Variants in NOX4 observed in about 807,000 individuals in gnomAD.
NOX4 encodes the protein kidney oxidase-1.
NOX4 carries 69 observed loss-of-function variants against 87.6 expected under a neutral mutation model. That is an observed-to-expected ratio of 0.79 (90% CI 0.65 to 0.96). The LOEUF (loss-of-function observed/expected upper bound fraction) is 0.96, where lower values mean the gene tolerates loss of function less well. Among genes scored for constraint, NOX4 ranks in the 40% least tolerant of loss-of-function variants. The pLI is 0.00. For missense variants in NOX4, 680 were observed against 681.5 expected, an observed-to-expected ratio of 1.00 and a Z score of 0.02; for synonymous variants, 275 against 238.2, an observed-to-expected ratio of 1.15 and a Z score of -1.42.
the NOX4 span, among the ~76,000 whole-genome samples, chr11:89,540,786 T>TAAAAAAAAAAAAA: frequency 1.1e-4 from 5 of 43,520 alleles, no homozygotes; most frequent in Admixed American, 4.3e-4. Flanking sequence ...AGACTCCGTC[T>TAAAAAAAAAAAAA]AAAAAAAAAA....
At chr11:89,352,935 T>C (rs1937673548) in intron 13 of NOX4, among the ~76,000 whole-genome samples, 1 of 152,166 alleles carries the variant, frequency 6.6e-6, no homozygotes, top group Non-Finnish European at 1.5e-5. Flanking sequence ...TTCTCCTGCC[T>C]CAGCCTCCCA....
chr11:89,424,809 C>T (rs16913239), intron 7 of NOX4, among the ~76,000 whole-genome samples: 5,445 of 152,054 alleles, frequency 0.036, 321 homozygotes, highest in African/African-American at 0.12. Context: ...AAATCAAACA[C>T]TGGGGACTTA....
At chr11:89,341,890 T>C (rs547114192) in intron 14 of NOX4, among the ~76,000 whole-genome samples, 184 bp downstream of exon 14, 10 of 152,312 alleles carry the variant, frequency 6.6e-5, no homozygotes, top group African/African-American at 2.2e-4. Flanking sequence ...CAAGAGAATA[T>C]GCTAGCAGCC....
chr11:89,526,362 C>T, the NOX4 span, among the ~76,000 whole-genome samples: 7 of 152,202 alleles, frequency 4.6e-5, no homozygotes, highest in African/African-American at 1.7e-4. Context: ...AACATCACCA[C>T]AAGCATTGCT....
rs1939758117 is a variant in NOX4, at chr11:89,375,368, C to T, written c.1075-1876G>A. ...TCACCCAGGCTGGAGTGCAGTGGCA[C>T]GATCTCGGCTCAATGCAACCTCTGC... On this transcript the variant is annotated intron_variant, in intron 11 of 17. Coordinates refer to ENST00000263317, the MANE Select transcript of NOX4 (RefSeq NM_016931.5). 2.6e-5 allele frequency among the ~76,000 whole-genome samples: 4 copies of T among 152,154 alleles called. No homozygotes were observed. In the South Asian group the frequency reaches 8.3e-4, roughly 32 times the overall value.
chr11:89,510,216 A>T, the NOX4 span, among the ~76,000 whole-genome samples: 1 of 152,112 alleles, frequency 6.6e-6, no homozygotes, highest in Admixed American at 6.6e-5. Context: ...CAGATCTTAC[A>T]GAGTGACAGC....
the NOX4 span, among the ~76,000 whole-genome samples, chr11:89,506,167 C>A: frequency 6.7e-6 from 1 of 149,964 alleles, no homozygotes; most frequent in Middle Eastern, 3.4e-3. Context: ...AAACTGTAGT[C>A]TTCCTAATAA....
the NOX4 span, among the ~76,000 whole-genome samples, chr11:89,571,444 A>C: frequency 6.6e-6 from 1 of 151,848 alleles, no homozygotes; most frequent in Admixed American, 6.6e-5. Context: ...CTACAGGCGC[A>C]CACCACCATG....
Position 89,342,149 on chromosome 11 carries a change from A to T in NOX4, c.1262T>A (p.Leu421Gln). The T allele has an allele frequency of 6.2e-7, 1 of 1,613,006 alleles. No individual in the cohort carries two copies. Among genetic ancestry groups the T allele is most frequent in the Non-Finnish European group, 8.5e-7 (1 of 1,179,052 alleles). ...CACGCAGAGGCTGACCTCATAGTTC[A>T]GTGATTCCTCAAATGGACTTCCAAA... ...GPFGSPFEESLNYEVSLCVAG... is the reference protein window; with the variant it reads ...GPFGSPFEESQNYEVSLCVAG... Residue 421 changes from leucine to glutamine, a missense_variant, in exon 14 of 18, where the codon CTG (leucine) becomes CAG (glutamine). Leu to Gln is a moderately radical substitution (Grantham distance 113). Transcript: ENST00000263317.
At chr11:89,359,528 A>G (rs1337356046) in intron 12 of NOX4, among the ~76,000 whole-genome samples, 1 of 151,988 alleles carries the variant, frequency 6.6e-6, no homozygotes, top group Non-Finnish European at 1.5e-5. Flanking sequence ...TACAAAAAAA[A>G]GAAAGAAAAA....
intron 7 of NOX4, among the ~76,000 whole-genome samples, chr11:89,428,010 C>G (rs1048782362): frequency 6.4e-4 from 98 of 152,352 alleles, no homozygotes; most frequent in African/African-American, 2.1e-3. Flanking sequence ...ATCAGACTAA[C>G]AGCTGATCTC....
the NOX4 span, among the ~76,000 whole-genome samples, chr11:89,587,570 G>A: frequency 1.3e-5 from 2 of 152,048 alleles, no homozygotes; most frequent in Non-Finnish European, 2.9e-5. Flanking sequence ...ATAAAAAATT[G>A]TAAGAGGGAG....
chr11:89,571,585 G>T, the NOX4 span, among the ~76,000 whole-genome samples: 2 of 151,910 alleles, frequency 1.3e-5, no homozygotes, highest in East Asian at 1.9e-4. Flanking sequence ...GTGAGCTACC[G>T]CACCCAGGCT....
At chr11:89,401,206 T>C (rs1941831612) in intron 9 of NOX4, among the ~76,000 whole-genome samples, 1 of 152,118 alleles carries the variant, frequency 6.6e-6, no homozygotes. Context: ...ATGCCTCTTC[T>C]GCATATAATA....
the NOX4 span, among the ~76,000 whole-genome samples, chr11:89,509,624 G>A: frequency 2.6e-5 from 4 of 151,974 alleles, no homozygotes; most frequent in Admixed American, 6.6e-5. Flanking sequence ...ATTTGTTAAT[G>A]AATTTAAACT....
chr11:89,420,417 T>G (rs886835292), intron 8 of NOX4, among the ~76,000 whole-genome samples: 1 of 152,098 alleles, frequency 6.6e-6, no homozygotes, highest in African/African-American at 2.4e-5. Context: ...AAGAGCAGAA[T>G]GTAAAGCAGT....
intron 8 of NOX4, among the ~76,000 whole-genome samples, chr11:89,418,422 G>GAATAATAATAATAAT (rs113480992): frequency 9.3e-5 from 13 of 139,752 alleles, no homozygotes; most frequent in South Asian, 2.3e-4. Context: ...TGAACATTGA[G>GAATAATAATAATAAT]AATAATAATA....
In NOX4 at chr11:89,383,115, T is replaced by G. The variant is rs184566748; in HGVS notation, c.1075-9623A>C. 3.0e-4 allele frequency among the ~76,000 whole-genome samples: 46 copies of G among 152,142 alleles called. 1 individual carries two copies. The highest frequency in any genetic ancestry group is 1.0e-3 in the African/African-American group (43 of 41,524). ...ATTAATCAACCTCGCCTTCAAGATG[T>G]TCAATAACAGAGGAGTTGCAATTAC... On this transcript the variant is annotated intron_variant, in intron 11 of 17. Coordinates refer to ENST00000263317, the MANE Select transcript of NOX4 (RefSeq NM_016931.5).
At chr11:89,429,939 G>A (rs574730924) in intron 7 of NOX4, among the ~76,000 whole-genome samples, 11 of 152,214 alleles carry the variant, frequency 7.2e-5, no homozygotes, top group African/African-American at 1.9e-4. Flanking sequence ...GATGAACATC[G>A]ATGGAAAAAT....
Sources: gnomAD v4.1 joint callset for allele counts (sites outside exome capture counted in the v4.1 genomes callset) on GRCh38, gnomAD v4.1.1 for gene constraint, MANE v1.5 for transcripts, NCBI Gene and HGNC (gene_info 2026-07-23, HGNC 2026-07-21) for gene names.